Variants in CACNA2D3 observed in about 807,000 individuals in gnomAD.
CACNA2D3 encodes the protein voltage-dependent calcium channel subunit alpha-2/delta-3.
In CACNA2D3, 60 loss-of-function variants were observed where a neutral mutation model predicts 160.6. That is an observed-to-expected ratio of 0.37 (90% CI 0.30 to 0.46). CACNA2D3 has a LOEUF of 0.46. CACNA2D3 is among the 20% of genes least tolerant of loss of function. The probability of loss-of-function intolerance (pLI) is 1.00; values close to 1 mark genes in which losing one functional copy is unlikely to be tolerated. For missense variants in CACNA2D3, 1,205 were observed against 1,365.0 expected (o/e 0.88, Z 1.85); for synonymous variants, 558 against 492.9 (o/e 1.13, Z -1.75).
chr3:55,020,844 C>T (rs865979579), intron 35 of CACNA2D3, among the ~76,000 whole-genome samples: 13 of 148,886 alleles, frequency 8.7e-5, no homozygotes, highest in African/African-American at 4.9e-5. Context: ...AGCTAGATTC[C>T]GTCTCAAAAA....
chr3:54,457,203 A>G (rs1700414912), intron 4 of CACNA2D3, among the ~76,000 whole-genome samples: 1 of 151,790 alleles, frequency 6.6e-6, no homozygotes, highest in Non-Finnish European at 1.5e-5. Flanking sequence ...TATTGTTATA[A>G]ACTTCCCTCT....
chr3:54,451,354 A>T (rs1451975590), intron 4 of CACNA2D3, among the ~76,000 whole-genome samples: 3 of 141,258 alleles, frequency 2.1e-5, no homozygotes, highest in African/African-American at 8.0e-5. Context: ...GGTTCAAGAG[A>T]TTTTCCTGCC....
intron 11 of CACNA2D3, among the ~76,000 whole-genome samples, chr3:54,697,199 G>C (rs372233079): frequency 2.0e-5 from 3 of 152,246 alleles, no homozygotes; most frequent in East Asian, 3.9e-4. Flanking sequence ...GATCACTTGA[G>C]CCCAGGCAGC....
intron 14 of CACNA2D3, among the ~76,000 whole-genome samples, chr3:54,830,097 C>A (rs1703840912): frequency 6.6e-6 from 1 of 151,686 alleles, no homozygotes; most frequent in East Asian, 1.9e-4. Flanking sequence ...GCACCCATCA[C>A]CACGCCTGGC....
At chr3:54,265,204 G>T (rs1336162635) in intron 2 of CACNA2D3, among the ~76,000 whole-genome samples, 9 of 152,190 alleles carry the variant, frequency 5.9e-5, no homozygotes, top group Admixed American at 5.9e-4. Flanking sequence ...CCCACCAACA[G>T]TGTTAAAGCC....
chr3:54,790,123 A>G (rs1308648027), intron 13 of CACNA2D3, among the ~76,000 whole-genome samples: 1 of 152,222 alleles, frequency 6.6e-6, no homozygotes, highest in Non-Finnish European at 1.5e-5. Flanking sequence ...CCCTGGAGCC[A>G]GAGGACCCGG....
At chr3:54,515,302 A>G (rs756119184) in intron 5 of CACNA2D3, among the ~76,000 whole-genome samples, 1 of 152,082 alleles carries the variant, frequency 6.6e-6, no homozygotes, top group Non-Finnish European at 1.5e-5. Context: ...CTGACTTTCC[A>G]CTTTCTACCC....
intron 17 of CACNA2D3, among the ~76,000 whole-genome samples, chr3:54,859,230 C>A (rs1699232933): frequency 6.6e-6 from 1 of 152,122 alleles, no homozygotes. Flanking sequence ...CCAAAGAATG[C>A]AAATAAAAAT....
At chr3:54,303,510 A>G (rs934061824) in intron 2 of CACNA2D3, among the ~76,000 whole-genome samples, 2 of 152,200 alleles carry the variant, frequency 1.3e-5, no homozygotes, top group African/African-American at 2.4e-5. Context: ...TTTTTCCAGC[A>G]GAGTATGTTT....
chr3:54,526,091 A>C (rs890820158), intron 5 of CACNA2D3, among the ~76,000 whole-genome samples: 1 of 151,904 alleles, frequency 6.6e-6, no homozygotes, highest in African/African-American at 2.4e-5. Flanking sequence ...CCTCCAGTTC[A>C]AATATGCTTT....
At chr3:54,975,535 A>AC (rs1702369699) in intron 29 of CACNA2D3, among the ~76,000 whole-genome samples, 3 of 151,142 alleles carry the variant, frequency 2.0e-5, no homozygotes. Context: ...AAAAAAAAAA[A>AC]AAAAAAAAAA....
At chr3:54,292,487 A>C (rs913939757) in intron 2 of CACNA2D3, among the ~76,000 whole-genome samples, 2 of 152,214 alleles carry the variant, frequency 1.3e-5, no homozygotes, top group African/African-American at 4.8e-5. Flanking sequence ...TAATAAAAAG[A>C]CAACACAATT....
At chr3:55,063,263 TGAACA>T (rs1704556553) in intron 35 of CACNA2D3, among the ~76,000 whole-genome samples, 1 of 151,950 alleles carries the variant, frequency 6.6e-6, no homozygotes, top group Non-Finnish European at 1.5e-5. Flanking sequence ...CTAGACCCAC[TGAACA>T]GAAACTGGCA....
At chr3:54,400,221 C>G (rs1699427302) in intron 4 of CACNA2D3, among the ~76,000 whole-genome samples, 2 of 149,748 alleles carry the variant, frequency 1.3e-5, no homozygotes, top group Admixed American at 1.3e-4. Context: ...GTGAGATGAA[C>G]CCGGTACCTC....
At chr3:54,964,198 G>T (rs2107055909) in intron 27 of CACNA2D3, among the ~76,000 whole-genome samples, 1 of 152,246 alleles carries the variant, frequency 6.6e-6, no homozygotes, top group South Asian at 2.1e-4. Flanking sequence ...ATATTTTCTG[G>T]ATCGGTTGTG....
Position 54,181,795 on chromosome 3 carries a change from AGTTGATTCCCT to A in CACNA2D3, c.204+58205_204+58215del, listed in dbSNP as rs1415854332. On this transcript the variant is annotated intron_variant, in intron 2 of 37. Coordinates refer to ENST00000474759, the MANE Select transcript of CACNA2D3 (RefSeq NM_018398.3). ...GGTCACTGGTTGACATAGGCTTTGG[AGTTGATTCCCT>A]GTTTTGGCCCAGTTTTCTTGTGATA... Among the ~76,000 whole-genome samples, 3 of 152,240 alleles carry A rather than the reference AGTTGATTCCCT, an allele frequency of 2.0e-5. No homozygotes were observed. In the East Asian group the frequency reaches 5.8e-4, roughly 29 times the overall value.
At chr3:54,964,553 G>A (rs1367053439) in intron 27 of CACNA2D3, among the ~76,000 whole-genome samples, 1 of 152,098 alleles carries the variant, frequency 6.6e-6, no homozygotes, top group Non-Finnish European at 1.5e-5. Flanking sequence ...AAAATAGACG[G>A]GCTTGACAAA....
intron 12 of CACNA2D3, among the ~76,000 whole-genome samples, chr3:54,753,939 AG>A (rs2107072424): frequency 6.6e-6 from 1 of 152,366 alleles, no homozygotes; most frequent in Admixed American, 6.5e-5. Flanking sequence ...TATTAACTAT[AG>A]TCACCATGTT....
intron 2 of CACNA2D3, among the ~76,000 whole-genome samples, chr3:54,211,768 C>G (rs1357437418): frequency 6.6e-6 from 1 of 152,042 alleles, no homozygotes; most frequent in African/African-American, 2.4e-5. Flanking sequence ...TGAATTAATG[C>G]TTTGTGAAAG....
Sources: allele counts gnomAD v4.1 joint callset (sites outside exome capture counted in the v4.1 genomes callset), GRCh38; gene constraint gnomAD v4.1.1; transcripts MANE v1.5; gene names NCBI Gene and HGNC (gene_info 2026-07-23, HGNC 2026-07-21).